CNOT4: variants seen among roughly 807,000 people sequenced by gnomAD.
CNOT4 encodes CCR4-NOT transcription complex subunit 4.
A neutral mutation model predicts 73.8 loss-of-function variants in CNOT4; 8 were observed. The ratio of observed to expected loss-of-function variants is 0.11; its 90% CI spans 0.06 to 0.20. The LOEUF is 0.20. Among genes scored for constraint, CNOT4 ranks in the 10% least tolerant of loss-of-function variants. The probability of loss-of-function intolerance (pLI) is 1.00; values close to 1 mark genes in which losing one functional copy is unlikely to be tolerated. For synonymous variants in CNOT4, 293 were observed against 321.1 expected (o/e 0.91, Z 0.94); for missense variants, 564 against 883.4 (o/e 0.64, Z 4.58).
intron 1 of CNOT4, chr7:135,444,529 T>C (rs1304143434): frequency 8.5e-7 from 1 of 1,173,290 alleles, no homozygotes; most frequent in Non-Finnish European, 1.3e-6. Context: ...ACGCCAGTGG[T>C]CAGACCTGCT....
chr7:135,447,685 G>A (rs777430071), intron 1 of CNOT4, among the ~76,000 whole-genome samples: 2 of 152,294 alleles, frequency 1.3e-5, no homozygotes, highest in East Asian at 1.9e-4. Context: ...AGAGTGTGAC[G>A]TTCAAGCCTA....
chr7:135,504,962 T>A (rs1286893390), intron 1 of CNOT4, among the ~76,000 whole-genome samples: 2 of 152,144 alleles, frequency 1.3e-5, no homozygotes, highest in Non-Finnish European at 2.9e-5. Context: ...CATTTTATTC[T>A]TCTAATTACA....
At chr7:135,374,721 A>G (rs1795423659) in intron 10 of CNOT4, among the ~76,000 whole-genome samples, 2 of 152,222 alleles carry the variant, frequency 1.3e-5, no homozygotes, top group Admixed American at 1.3e-4. Context: ...TAGTTCTTTC[A>G]TAAGACAAAC....
chr7:135,474,038 G>GGTGCAATC (rs56032215), intron 1 of CNOT4, among the ~76,000 whole-genome samples: 10,855 of 147,886 alleles, frequency 0.073, 478 homozygotes, highest in Middle Eastern at 0.12. Context: ...GGAGTGCAAT[G>GGTGCAATC]GTGCAATCTC....
chr7:135,401,577 GA>G (rs1371876022), intron 7 of CNOT4, among the ~76,000 whole-genome samples: 1 of 152,060 alleles, frequency 6.6e-6, no homozygotes, highest in African/African-American at 2.4e-5. Context: ...CAATGGGAGA[GA>G]TTTTTTTTAA....
intron 1 of CNOT4, among the ~76,000 whole-genome samples, chr7:135,460,563 C>G (rs1563063637): frequency 1.3e-5 from 2 of 152,086 alleles, no homozygotes; most frequent in Non-Finnish European, 2.9e-5. Context: ...TACGTAGGTG[C>G]AGTTCCCGGC....
At chr7:135,481,451 C>A (rs1228686611) in intron 1 of CNOT4, among the ~76,000 whole-genome samples, 1 of 152,110 alleles carries the variant, frequency 6.6e-6, no homozygotes, top group Non-Finnish European at 1.5e-5. Flanking sequence ...ATAACAGATG[C>A]TGGCAAGCAT....
At chr7:135,384,106 C>T (rs188882782) in intron 10 of CNOT4, among the ~76,000 whole-genome samples, 3 of 148,986 alleles carry the variant, frequency 2.0e-5, no homozygotes, top group South Asian at 2.1e-4. Context: ...TCACAAAAGA[C>T]TTTTTTTTTT....
At chr7:135,493,047 T>C (rs1271466709) in intron 1 of CNOT4, among the ~76,000 whole-genome samples, 1 of 152,186 alleles carries the variant, frequency 6.6e-6, no homozygotes, top group Non-Finnish European at 1.5e-5. Context: ...AACCTGTTAA[T>C]AGACAAGTTT....
chr7:135,391,316 T>C (rs1796389504), intron 10 of CNOT4, among the ~76,000 whole-genome samples: 1 of 152,076 alleles, frequency 6.6e-6, no homozygotes, highest in Admixed American at 6.6e-5. Context: ...AGACTCTTGA[T>C]AAAAATTTTT....
chr7:135,469,760 G>A (rs180880146), intron 1 of CNOT4, among the ~76,000 whole-genome samples: 1 of 151,904 alleles, frequency 6.6e-6, no homozygotes, highest in South Asian at 2.1e-4. Context: ...TCCACAAAAG[G>A]GCTTATACAT....
rs940993146 is a variant in CNOT4 at position 135,414,265 on chromosome 7, T to G, written c.561+66A>C. On this transcript the variant is annotated intron_variant, in intron 5 of 11. Transcript: ENST00000541284. ...TTAATATATAAATGCTCAGTTCTCC[T>G]CTACTTACTATATTTTATCTCGTCT... 78 of 689,706 alleles carry G rather than the reference T, an allele frequency of 1.1e-4. No homozygotes were observed. The African/African-American group carries it at 1.3e-3, about 12-fold the overall frequency. 42.7% of individuals were successfully genotyped at this position (689,706 alleles called of 1,614,324 possible).
At chr7:135,372,938 G>T (rs1405363876) in intron 10 of CNOT4, among the ~76,000 whole-genome samples, 1 of 152,174 alleles carries the variant, frequency 6.6e-6, no homozygotes, top group Non-Finnish European at 1.5e-5. Flanking sequence ...GTTATAGAGA[G>T]CAGTGATTCA....
intron 1 of CNOT4, among the ~76,000 whole-genome samples, chr7:135,453,255 T>C (rs1275301549): frequency 6.6e-6 from 1 of 151,976 alleles, no homozygotes; most frequent in Non-Finnish European, 1.5e-5. Flanking sequence ...AAACTGAAAA[T>C]GAAGTGCAAG....
intron 1 of CNOT4, among the ~76,000 whole-genome samples, chr7:135,474,276 ATTTTTTTTTTT>A (rs869203152): frequency 6.8e-5 from 6 of 88,000 alleles, no homozygotes; most frequent in East Asian, 2.9e-4. Context: ...CTGTGCCCAA[ATTTTTTTTTTT>A]TTTTTTTTTT....
intron 1 of CNOT4, among the ~76,000 whole-genome samples, chr7:135,455,746 T>A (rs994120552): frequency 2.0e-5 from 3 of 152,072 alleles, no homozygotes; most frequent in African/African-American, 7.2e-5. Flanking sequence ...TGGTGGTGCA[T>A]GCCTGTAGTC....
At chr7:135,374,226 C>T (rs541475124) in intron 10 of CNOT4, among the ~76,000 whole-genome samples, 90 of 152,280 alleles carry the variant, frequency 5.9e-4, no homozygotes, top group Non-Finnish European at 1.1e-3. Flanking sequence ...ACTGACTCCT[C>T]AGTCCTCCCC....
chr7:135,471,560 T>C (rs1801575875), intron 1 of CNOT4, among the ~76,000 whole-genome samples: 1 of 152,196 alleles, frequency 6.6e-6, no homozygotes, highest in South Asian at 2.1e-4. Context: ...AGCAAGATTA[T>C]CAAGACATAA....
intron 1 of CNOT4, among the ~76,000 whole-genome samples, chr7:135,501,258 T>C (rs551056297): frequency 2.6e-5 from 4 of 152,290 alleles, no homozygotes; most frequent in African/African-American, 9.6e-5. Context: ...GTGCTGGGAT[T>C]ACAGGTGTGA....
Sources: allele counts gnomAD v4.1 joint callset (sites outside exome capture counted in the v4.1 genomes callset), GRCh38; gene constraint gnomAD v4.1.1; transcripts MANE v1.5; gene names NCBI Gene and HGNC (gene_info 2026-07-23, HGNC 2026-07-21).